Variants in ARL14EPL observed in about 807,000 individuals in gnomAD.
The protein encoded by ARL14EPL is ARF like GTPase 14 effector protein like.
Under a neutral mutation model 15.9 loss-of-function variants are expected in ARL14EPL, and 17 were observed. That is an observed-to-expected ratio of 1.07 (90% CI 0.73 to 1.60). The LOEUF (loss-of-function observed/expected upper bound fraction) is 1.60, where lower values mean the gene tolerates loss of function less well. Ranked by LOEUF, ARL14EPL falls within the 40% of genes most tolerant of loss-of-function variation. The pLI is 0.00. For synonymous variants in ARL14EPL, 78 were observed against 63.8 expected (o/e 1.22, Z -1.06); for missense variants, 214 against 185.9 (o/e 1.15, Z -0.88).
At chr5:116,038,749 G>A (rs2112667104) in intron 1 of ARL14EPL, among the ~76,000 whole-genome samples, 1 of 152,180 alleles carries the variant, frequency 6.6e-6, no homozygotes, top group South Asian at 2.1e-4. Context: ...ATGCACTGAG[G>A]AAATAGAGCA....
chr5:116,042,319 T>G (rs17138710), intron 1 of ARL14EPL, among the ~76,000 whole-genome samples: 6,352 of 152,262 alleles, frequency 0.042, 176 homozygotes, highest in Middle Eastern at 0.12. Flanking sequence ...TGCCCTTTTA[T>G]CATTGGCACA....
chr5:116,051,705 T>C, intron 2 of ARL14EPL, 144 bp downstream of exon 2: 2 of 762,472 alleles, frequency 2.6e-6, no homozygotes, highest in Non-Finnish European at 2.1e-6. Flanking sequence ...GATAGAGCTT[T>C]CCCTCCTCCC....
Position 116,058,783 on chromosome 5 carries a change from G to A in ARL14EPL, c.295G>A (p.Asp99Asn), listed in dbSNP as rs1245528030. Residue 99 changes from aspartate to asparagine, a missense_variant, in exon 4 of 4, where the codon GAT (aspartate) becomes AAT (asparagine). By Grantham distance (23) the Asp-to-Asn change is conservative. Transcript: ENST00000686077. ...RLICNDADLC[D>N]CLEKNCLGCF... ...CATCTGTAATGACGCTGATCTGTGT[G>A]ATTGTCTAGAGAAGAACTGCCTGGG... 2 of 1,535,920 alleles carry A rather than the reference G, an allele frequency of 1.3e-6. No homozygotes were observed. The highest frequency in any genetic ancestry group is 4.9e-5 in the East Asian group (2 of 40,924).
chr5:116,056,679 T>C (rs1309968566), intron 3 of ARL14EPL, among the ~76,000 whole-genome samples: 1 of 152,226 alleles, frequency 6.6e-6, no homozygotes, highest in African/African-American at 2.4e-5. Flanking sequence ...ATTTTGTCTT[T>C]TGTTGCCATT....
chr5:116,056,816 A>C (rs1049217069), intron 3 of ARL14EPL, among the ~76,000 whole-genome samples: 1 of 152,088 alleles, frequency 6.6e-6, no homozygotes, highest in African/African-American at 2.4e-5. Flanking sequence ...TCTTGAATTA[A>C]TTTTTGTATA....
chr5:116,038,842 T>C lies in ARL14EPL; in HGVS notation c.-10+6337T>C, dbSNP rs139794202. Among the ~76,000 whole-genome samples the C allele has an allele frequency of 2.0e-5, 3 of 152,262 alleles. No homozygotes were observed. In the East Asian group the frequency reaches 5.8e-4, roughly 29 times the overall value. On this transcript the variant is annotated intron_variant, in intron 1 of 3. Transcript: ENST00000686077. ...GTTGTAAAAGAAATCTGAGAGCAAA[T>C]ACATGTTTCTGTGGATCTTTAATGG...
At chr5:116,034,777 C>G (rs942130514) in intron 1 of ARL14EPL, among the ~76,000 whole-genome samples, 5 of 152,132 alleles carry the variant, frequency 3.3e-5, no homozygotes, top group Non-Finnish European at 5.9e-5. Flanking sequence ...GTTAGAAAAA[C>G]AGAAACCAGA....
rs75242520 is a variant in ARL14EPL at position 116,058,691 on chromosome 5, A to G, written c.237-34A>G. 22 of 1,515,328 alleles carry G rather than the reference A, an allele frequency of 1.5e-5. No homozygotes were observed. The East Asian group carries it at 5.1e-4, about 35-fold the overall frequency. The allele number at this position is 1,515,328 out of a possible 1,614,324, so 93.9% of individuals were successfully genotyped here. A position where few individuals can be genotyped will look rare whatever the true frequency, so the allele number is the denominator to read the frequency against. ...TATTCTCAATGTTGAGGATGATTGC[A>G]CTGTCATCTTAATGTCATGCTTTTC... On this transcript the variant is annotated intron_variant, in intron 3 of 3. Coordinates refer to ENST00000686077, the MANE Select transcript of ARL14EPL (RefSeq NM_001195581.2).
intron 1 of ARL14EPL, among the ~76,000 whole-genome samples, chr5:116,040,193 T>A (rs1749122898): frequency 6.6e-6 from 1 of 152,138 alleles, no homozygotes; most frequent in African/African-American, 2.4e-5. Flanking sequence ...TCAAAGATAA[T>A]GTCTATTTTA....
rs143452261 is a variant in ARL14EPL, at chr5:116,037,637, G to A, written c.-10+5132G>A. The stretch of plus-strand genomic sequence containing the variant: ...GATTAGGGGTTTTGTGCCATCTGCT[G>A]GACATAGTTATTTCACACATACAAG... On this transcript the variant is annotated intron_variant, in intron 1 of 3. Coordinates refer to ENST00000686077, the MANE Select transcript of ARL14EPL (RefSeq NM_001195581.2). Among the ~76,000 whole-genome samples, 13 of 152,166 alleles carry A rather than the reference G, an allele frequency of 8.5e-5. No individual in the cohort carries two copies. In the East Asian group the frequency reaches 2.3e-3, roughly 27 times the overall value.
chr5:116,041,261 T>C (rs1215456179), intron 1 of ARL14EPL, among the ~76,000 whole-genome samples: 1 of 152,162 alleles, frequency 6.6e-6, no homozygotes, highest in African/African-American at 2.4e-5. Flanking sequence ...TATAATGGCA[T>C]ATATCCACTG....
chr5:116,056,506 C>A (rs1749521053), intron 3 of ARL14EPL, among the ~76,000 whole-genome samples: 1 of 152,054 alleles, frequency 6.6e-6, no homozygotes, highest in African/African-American at 2.4e-5. Context: ...TTGTTTTTTT[C>A]TTGTAAATTT....
intron 1 of ARL14EPL, among the ~76,000 whole-genome samples, chr5:116,034,669 T>G (rs1021416334): frequency 1.4e-5 from 2 of 140,062 alleles, no homozygotes; most frequent in Non-Finnish European, 3.1e-5. Context: ...ACCTGCTGAG[T>G]GTCTTCTGTG....
At chr5:116,033,984 A>G (rs906946492) in intron 1 of ARL14EPL, among the ~76,000 whole-genome samples, 1 of 152,198 alleles carries the variant, frequency 6.6e-6, no homozygotes, top group African/African-American at 2.4e-5. Flanking sequence ...AAACAATGCC[A>G]AGCAATGAGA....
Position 116,059,237 on chromosome 5 carries a change from C to A in ARL14EPL, c.*290C>A. The A allele has an allele frequency of 3.1e-6, 1 of 320,874 alleles. No homozygotes were observed. 19.9% of individuals were successfully genotyped at this position (320,874 alleles called of 1,614,324 possible). On this transcript the variant is annotated 3_prime_UTR_variant, in exon 4 of 4. Transcript: ENST00000686077. ...TCTGCCTTCAAATTAAAACTCTCTT[C>A]CCTCTTTGCTGATATCTGAGAAAAT...
At position 116,056,527 on chromosome 5, in the gene ARL14EPL, T is replaced by A. The variant is rs571021441; in HGVS notation, c.237-2198T>A. Among the ~76,000 whole-genome samples, 7 of 152,282 alleles carry A rather than the reference T, an allele frequency of 4.6e-5. No individual in the cohort carries two copies. The East Asian group carries it at 1.2e-3, about 25-fold the overall frequency. On this transcript the variant is annotated intron_variant, in intron 3 of 3. Coordinates refer to ENST00000686077, the MANE Select transcript of ARL14EPL (RefSeq NM_001195581.2). ...TTTTCTTGTAAATTTGTTTGTGTTC[T>A]TTGTAGATTCTGGATATTAGCCCTT...
intron 1 of ARL14EPL, among the ~76,000 whole-genome samples, chr5:116,049,707 T>C (rs1471439468): frequency 6.6e-6 from 1 of 152,156 alleles, no homozygotes; most frequent in Non-Finnish European, 1.5e-5. Flanking sequence ...ACAAATAGTT[T>C]GAAGGACCAT....
Position 116,040,979 on chromosome 5 carries a change from C to CAAAAAAA in ARL14EPL, c.-10+8482_-10+8488dup, listed in dbSNP as rs56060606. Among the ~76,000 whole-genome samples the CAAAAAAA allele has an allele frequency of 1.7e-4, 11 of 66,160 alleles. No individual in the cohort carries two copies. In the East Asian group the frequency reaches 1.9e-3, roughly 11 times the overall value. The allele number at this position is 66,160 out of a possible 152,430, so 43.4% of individuals were successfully genotyped here. A position where few individuals can be genotyped will look rare whatever the true frequency, so the allele number is the denominator to read the frequency against. On this transcript the variant is annotated intron_variant, in intron 1 of 3. Transcript: ENST00000686077. ...TGGGAGACAGAACGAGATTCCCTCT[C>CAAAAAAA]AAAAAAAAAAAAAAGTTTTTATGCT...
At chr5:116,052,279 C>T (rs916191049) in intron 2 of ARL14EPL, 9 of 1,514,402 alleles carry the variant, frequency 5.9e-6, no homozygotes, top group Middle Eastern at 1.7e-4. Context: ...CGTCCTTGGG[C>T]GGCATTGCGA....
Sources: allele counts gnomAD v4.1 joint callset (sites outside exome capture counted in the v4.1 genomes callset), GRCh38; gene constraint gnomAD v4.1.1; transcripts MANE v1.5; gene names NCBI Gene and HGNC (gene_info 2026-07-23, HGNC 2026-07-21).